CCDC125: variants seen among roughly 807,000 people sequenced by gnomAD.
CCDC125 encodes the protein coiled-coil domain containing 125.
In CCDC125, 43 loss-of-function variants were observed where a neutral mutation model predicts 57.4. The observed-to-expected ratio is 0.75, with a 90% CI of 0.59 to 0.97. The LOEUF is 0.97. CCDC125 is among the 50% of genes least tolerant of loss of function. The pLI, the probability that CCDC125 is intolerant of heterozygous loss-of-function variation, is 0.00. For missense variants in CCDC125, 563 were observed against 595.7 expected, an observed-to-expected ratio of 0.95 and a Z score of 0.57; for synonymous variants, 187 against 195.2, an observed-to-expected ratio of 0.96 and a Z score of 0.35.
chr5:69,311,512 C>T (rs1439881804), intron 3 of CCDC125, among the ~76,000 whole-genome samples: 1 of 151,980 alleles, frequency 6.6e-6, no homozygotes, highest in South Asian at 2.1e-4. Flanking sequence ...AATTGCTGGG[C>T]GTGGTGGTGC....
the CCDC125 span, among the ~76,000 whole-genome samples, chr5:69,275,092 C>G: frequency 6.6e-5 from 10 of 151,348 alleles, no homozygotes; most frequent in African/African-American, 2.4e-4. Context: ...CAAGCATGAC[C>G]TGACAAACTT....
chr5:69,319,392 G>T (rs1393146095), intron 2 of CCDC125, among the ~76,000 whole-genome samples: 1 of 151,896 alleles, frequency 6.6e-6, no homozygotes, highest in Non-Finnish European at 1.5e-5. Flanking sequence ...CACAAAAAAG[G>T]CAAGGTTGGT....
chr5:69,315,095 A>G (rs138681713), intron 2 of CCDC125, among the ~76,000 whole-genome samples: 8 of 151,854 alleles, frequency 5.3e-5, no homozygotes, highest in African/African-American at 1.2e-4. Flanking sequence ...ATCTCTACTA[A>G]AAACACAAAA....
At chr5:69,287,338 A>G (rs1163528874) in intron 10 of CCDC125, among the ~76,000 whole-genome samples, 1 of 148,872 alleles carries the variant, frequency 6.7e-6, no homozygotes, top group African/African-American at 2.5e-5. Context: ...ATCTTGGCTC[A>G]CCACAACCTC....
At chr5:69,319,862 G>A (rs151268113) in intron 2 of CCDC125, among the ~76,000 whole-genome samples, 12 of 151,844 alleles carry the variant, frequency 7.9e-5, no homozygotes, top group Non-Finnish European at 7.4e-5. Flanking sequence ...GGCTCATGCC[G>A]GTAATCCCAG....
rs111295537 is a variant in CCDC125 at position 69,294,743 on chromosome 5, ATT to A, written c.924+48_924+49del. On this transcript the variant is annotated intron_variant, in intron 9 of 11. Transcript: ENST00000396496. Reference sequence around the variant, plus strand: ...TGCAAACATTTCCATTTATTCTACTATTAACAGAGAAACAAAACTAAAGCTTT... The same window carrying A: ...TGCAAACATTTCCATTTATTCTACTAAACAGAGAAACAAAACTAAAGCTTT... 1,204 of 1,319,222 alleles carry A rather than the reference ATT, an allele frequency of 9.1e-4. 11 individuals are homozygous for A. The African/African-American group carries it at 0.015, about 16-fold the overall frequency. The allele number at this position is 1,319,222 out of a possible 1,614,324, so 81.7% of individuals were successfully genotyped here. A position where few individuals can be genotyped will look rare whatever the true frequency, so the allele number is the denominator to read the frequency against.
intron 11 of CCDC125, among the ~76,000 whole-genome samples, chr5:69,283,510 G>T (rs569659594): frequency 1.4e-5 from 2 of 143,752 alleles, no homozygotes; most frequent in Non-Finnish European, 3.0e-5. Context: ...GTGAGCCACC[G>T]TGCCCGGCCA....
chr5:69,310,919 A>C, intron 4 of CCDC125, 199 bp downstream of exon 4: 1 of 338,336 alleles, frequency 3.0e-6, no homozygotes. Context: ...TACAACTCTT[A>C]TATCTAGTAA....
downstream of CCDC125, among the ~76,000 whole-genome samples, chr5:69,276,057 C>G (rs1752103009): frequency 6.6e-6 from 1 of 151,918 alleles, no homozygotes; most frequent in Non-Finnish European, 1.5e-5. Flanking sequence ...TGATACGGAG[C>G]CTTGCTCTGT....
At chr5:69,283,112 AT>A in intron 11 of CCDC125, 78 bp from the exon 12 acceptor site, 1 of 1,199,196 alleles carries the variant, frequency 8.3e-7, no homozygotes, top group Non-Finnish European at 1.1e-6. Flanking sequence ...GTATTGTACT[AT>A]TTTATCAAGT....
At chr5:69,320,198 C>A in intron 2 of CCDC125, 39 bp downstream of exon 2, 1 of 1,525,430 alleles carries the variant, frequency 6.6e-7, no homozygotes, top group South Asian at 1.2e-5. Flanking sequence ...TGATACTATG[C>A]ACAGGAGAAA....
chr5:69,295,676 C>T (rs892066153), intron 8 of CCDC125, among the ~76,000 whole-genome samples: 1 of 152,140 alleles, frequency 6.6e-6, no homozygotes, highest in Non-Finnish European at 1.5e-5. Flanking sequence ...GAAAAGAACC[C>T]CATGGCTGTT....
At chr5:69,304,950 G>A (rs939873439) in intron 6 of CCDC125, among the ~76,000 whole-genome samples, 16 of 151,950 alleles carry the variant, frequency 1.1e-4, no homozygotes, top group African/African-American at 3.6e-4. Context: ...CACTCTGGTG[G>A]GGGATGTTGT....
intron 2 of CCDC125, among the ~76,000 whole-genome samples, chr5:69,319,063 G>T (rs548383315): frequency 6.6e-6 from 1 of 152,066 alleles, no homozygotes; most frequent in Admixed American, 6.5e-5. Context: ...GAGTAGCTGG[G>T]ACTACAAGCA....
At chr5:69,313,429 G>T (rs537555768) in intron 3 of CCDC125, 6 of 1,513,254 alleles carry the variant, frequency 4.0e-6, no homozygotes, top group Non-Finnish European at 5.5e-6. Context: ...CTCTGCCAGG[G>T]TGCAGTGGTC....
At chr5:69,294,652 G>A (rs1417506534) in intron 9 of CCDC125, 141 bp downstream of exon 9, 6 of 701,880 alleles carry the variant, frequency 8.5e-6, no homozygotes. Flanking sequence ...TTGATAAGTT[G>A]ATGCTATCAC....
At chr5:69,330,460 G>A (rs944460074) in intron 1 of CCDC125, among the ~76,000 whole-genome samples, 10 of 152,022 alleles carry the variant, frequency 6.6e-5, no homozygotes, top group African/African-American at 2.2e-4. Flanking sequence ...TGGGCACGGT[G>A]GTGTGCACCT....
intron 7 of CCDC125, 28 bp downstream of exon 7, chr5:69,303,819 G>A (rs1756898736): frequency 7.9e-7 from 1 of 1,267,870 alleles, no homozygotes; most frequent in Non-Finnish European, 1.1e-6. Context: ...ATTGATACAT[G>A]TGCTCTTAAT....
chr5:69,305,295 C>T (rs1212028822), intron 6 of CCDC125, among the ~76,000 whole-genome samples: 1 of 152,080 alleles, frequency 6.6e-6, no homozygotes, highest in Non-Finnish European at 1.5e-5. Context: ...GTCCCTGTAG[C>T]CTCTACCTCC....
Sources: gnomAD v4.1 joint callset for allele counts (sites outside exome capture counted in the v4.1 genomes callset) on GRCh38, gnomAD v4.1.1 for gene constraint, MANE v1.5 for transcripts, NCBI Gene and HGNC (gene_info 2026-07-23, HGNC 2026-07-21) for gene names.